The following KCNIP4 variants were observed in gnomAD, a reference collection of about 807,000 sequenced individuals.
KCNIP4 encodes Kv channel-interacting protein 4.
A neutral mutation model predicts 34.0 loss-of-function variants in KCNIP4; 12 were observed. The ratio of observed to expected loss-of-function variants is 0.35; its 90% confidence interval spans 0.23 to 0.57. KCNIP4 has a LOEUF of 0.57. KCNIP4 is among the 20% of genes least tolerant of loss of function. KCNIP4 has a pLI of 0.83. For missense variants in KCNIP4, 238 were observed against 311.7 expected (o/e 0.76, Z 1.78); for synonymous variants, 124 against 102.2 (o/e 1.21, Z -1.29).
chr4:21,021,959 T>C (rs1740109183), intron 1 of KCNIP4, among the ~76,000 whole-genome samples: 1 of 152,152 alleles, frequency 6.6e-6, no homozygotes, highest in Non-Finnish European at 1.5e-5. Context: ...AAATATTATG[T>C]ATTGTGCATA....
At chr4:21,748,535 G>A (rs1408230061) in intron 1 of KCNIP4, among the ~76,000 whole-genome samples, 1 of 152,096 alleles carries the variant, frequency 6.6e-6, no homozygotes, top group Non-Finnish European at 1.5e-5. Flanking sequence ...GTACATATGT[G>A]GTTTACCTTT....
At chr4:20,949,489 C>A (rs1474180137) in intron 1 of KCNIP4, among the ~76,000 whole-genome samples, 4 of 152,030 alleles carry the variant, frequency 2.6e-5, no homozygotes, top group African/African-American at 9.7e-5. Flanking sequence ...ACCATTTGAC[C>A]CAGCCATCCC....
chr4:21,109,038 G>A (rs1416311942), intron 1 of KCNIP4, among the ~76,000 whole-genome samples: 18 of 149,340 alleles, frequency 1.2e-4, no homozygotes, highest in African/African-American at 1.7e-4. Flanking sequence ...TAGGCTGCTC[G>A]GGGGTCAGGG....
intron 1 of KCNIP4, among the ~76,000 whole-genome samples, chr4:21,397,291 A>G (rs1167629332): frequency 6.6e-6 from 1 of 152,208 alleles, no homozygotes; most frequent in Non-Finnish European, 1.5e-5. Flanking sequence ...AAAACACTCC[A>G]TTGATGTTTC....
At chr4:21,317,392 T>G (rs117279595) in intron 1 of KCNIP4, among the ~76,000 whole-genome samples, 2,358 of 152,256 alleles carry the variant, frequency 0.015, 56 homozygotes, top group East Asian at 0.055. Flanking sequence ...AATTTCTCCA[T>G]GGGTCTCCTT....
intron 1 of KCNIP4, among the ~76,000 whole-genome samples, chr4:21,509,040 C>A (rs371440760): frequency 2.0e-4 from 30 of 152,154 alleles, no homozygotes; most frequent in East Asian, 5.8e-4. Flanking sequence ...AGGGTTTTTC[C>A]CCTCATAGGT....
chr4:21,467,078 ACACACACACAC>A (rs1560434241), intron 1 of KCNIP4, among the ~76,000 whole-genome samples: 7 of 55,066 alleles, frequency 1.3e-4, no homozygotes, highest in African/African-American at 5.5e-4. Flanking sequence ...AAACAAACAC[ACACACACACAC>A]ACACACACAC....
intron 1 of KCNIP4, among the ~76,000 whole-genome samples, chr4:21,856,649 C>A (rs1724779381): frequency 6.6e-6 from 1 of 152,066 alleles, no homozygotes; most frequent in Admixed American, 6.5e-5. Context: ...TTCCCGGGCA[C>A]ACCTACAGCT....
chr4:21,944,241 A>G (rs1730363202), intron 1 of KCNIP4, among the ~76,000 whole-genome samples: 1 of 152,030 alleles, frequency 6.6e-6, no homozygotes, highest in Admixed American at 6.6e-5. Flanking sequence ...AAGAGGAAAT[A>G]AGTGTCATAA....
At chr4:21,263,540 T>G (rs1240604744) in intron 1 of KCNIP4, among the ~76,000 whole-genome samples, 1 of 152,218 alleles carries the variant, frequency 6.6e-6, no homozygotes, top group African/African-American at 2.4e-5. Flanking sequence ...TATGACTTAT[T>G]TGAGCCACTA....
At chr4:20,906,457 A>G (rs969035033) in intron 1 of KCNIP4, among the ~76,000 whole-genome samples, 3 of 152,160 alleles carry the variant, frequency 2.0e-5, no homozygotes, top group Admixed American at 6.5e-5. Context: ...ACAGTCCTTC[A>G]CTAATTCAGG....
At position 21,181,465 on chromosome 4, in the gene KCNIP4, G is replaced by T. The variant is rs1255807794; in HGVS notation, c.62-298756C>A. ...CTACTATAGGTGGGAGTATCACATG[G>T]ATTGCACTGACTTTCAGGATCTTTG... On this transcript the variant is annotated intron_variant, in intron 1 of 8. Transcript: ENST00000382152. Among the ~76,000 whole-genome samples the T allele has an allele frequency of 3.3e-5, 5 of 152,060 alleles. No individual in the cohort carries two copies. In the East Asian group the frequency reaches 9.7e-4, roughly 29 times the overall value.
rs973384823 is a variant in KCNIP4 at position 20,906,069 on chromosome 4, C to A, written c.62-23360G>T. Among the ~76,000 whole-genome samples, 15 of 150,568 alleles carry A rather than the reference C, an allele frequency of 1.0e-4. No homozygotes were observed. The Admixed American group carries it at 1.0e-3, about 10-fold the overall frequency. The stretch of plus-strand genomic sequence containing the variant: ...CTTCTCTTCCTCCCTCCCTCCCTCC[C>A]TTCCCTCCTTTCTTCCTTTCTTTTC... On this transcript the variant is annotated intron_variant, in intron 1 of 8. Coordinates refer to ENST00000382152, the MANE Select transcript of KCNIP4 (RefSeq NM_025221.6).
rs557286790 is a variant in KCNIP4, at chr4:21,072,745, C to T, written c.62-190036G>A. Among the ~76,000 whole-genome samples, 7 of 152,160 alleles carry T rather than the reference C, an allele frequency of 4.6e-5. No individual in the cohort carries two copies. In the East Asian group the frequency reaches 1.4e-3, roughly 29 times the overall value. On this transcript the variant is annotated intron_variant, in intron 1 of 8. Transcript: ENST00000382152. ...CATGCCTATGTCCTGAATGGTATTGCCTAGGTTTTCTCCTAGGGTTTTTAT... is the reference window on the plus strand; with the variant it reads ...CATGCCTATGTCCTGAATGGTATTGTCTAGGTTTTCTCCTAGGGTTTTTAT...
At chr4:21,465,589 A>G (rs1487718483) in intron 1 of KCNIP4, among the ~76,000 whole-genome samples, 1 of 152,166 alleles carries the variant, frequency 6.6e-6, no homozygotes, top group African/African-American at 2.4e-5. Context: ...TACATATCTG[A>G]CTATAAAACA....
At chr4:20,903,643 AGT>A (rs1483795448) in intron 1 of KCNIP4, among the ~76,000 whole-genome samples, 1 of 152,046 alleles carries the variant, frequency 6.6e-6, no homozygotes, top group East Asian at 1.9e-4. Context: ...GTACTTCTTA[AGT>A]GTATTTGATT....
intron 1 of KCNIP4, among the ~76,000 whole-genome samples, chr4:21,003,909 C>T (rs1050573718): frequency 4.6e-5 from 7 of 151,846 alleles, no homozygotes; most frequent in African/African-American, 9.7e-5. Context: ...GTTTGGGGAA[C>T]GATTAGAAAT....
At chr4:21,586,527 T>A (rs1036876806) in intron 1 of KCNIP4, among the ~76,000 whole-genome samples, 5 of 152,108 alleles carry the variant, frequency 3.3e-5, no homozygotes, top group East Asian at 1.9e-4. Context: ...GAGATTTTTT[T>A]AAAAATCAAA....
intron 1 of KCNIP4, among the ~76,000 whole-genome samples, chr4:21,430,191 A>T (rs1016423901): frequency 3.3e-5 from 5 of 152,126 alleles, no homozygotes; most frequent in African/African-American, 1.2e-4. Flanking sequence ...TATCTTAATG[A>T]ACTAAAATAT....
Sources: allele counts gnomAD v4.1 joint callset (sites outside exome capture counted in the v4.1 genomes callset), GRCh38; gene constraint gnomAD v4.1.1; transcripts MANE v1.5; gene names NCBI Gene and HGNC (gene_info 2026-07-23, HGNC 2026-07-21).